Variants in WWOX observed in about 807,000 individuals in gnomAD.
WWOX encodes WW domain containing oxidoreductase.
Under a neutral mutation model 46.2 loss-of-function variants are expected in WWOX, and 69 were observed. That is an observed-to-expected ratio of 1.49 (90% CI 1.23 to 1.82). The LOEUF is 1.82. Among genes scored for constraint, WWOX ranks in the 40% most tolerant of loss-of-function variants. The pLI is 0.00. For missense variants in WWOX, 919 were observed against 542.6 expected, an observed-to-expected ratio of 1.69 and a Z score of -6.89; for synonymous variants, 359 against 202.6, an observed-to-expected ratio of 1.77 and a Z score of -6.56.
At chr16:78,712,147 C>G (rs190387551) in intron 8 of WWOX, among the ~76,000 whole-genome samples, 1 of 152,078 alleles carries the variant, frequency 6.6e-6, no homozygotes, top group Non-Finnish European at 1.5e-5. Flanking sequence ...AGCCAATGTT[C>G]AATTGACTTC....
intron 8 of WWOX, among the ~76,000 whole-genome samples, chr16:78,811,521 C>G (rs1046737509): frequency 4.0e-5 from 6 of 149,466 alleles, no homozygotes; most frequent in African/African-American, 1.5e-4. Flanking sequence ...TTTCCTTTTT[C>G]TCTCTCTCTT....
intron 8 of WWOX, among the ~76,000 whole-genome samples, chr16:79,077,176 C>T (rs940877844): frequency 1.3e-5 from 2 of 152,160 alleles, no homozygotes; most frequent in South Asian, 2.1e-4. Context: ...AAGTACTTGA[C>T]CCTGGGCCTG....
chr16:78,927,074 G>C (rs1476673235), intron 8 of WWOX, among the ~76,000 whole-genome samples: 1 of 152,190 alleles, frequency 6.6e-6, no homozygotes, highest in Non-Finnish European at 1.5e-5. Context: ...GGAATTATAG[G>C]CATGAGCCAC....
At chr16:79,012,879 G>A (rs1445421345) in intron 8 of WWOX, among the ~76,000 whole-genome samples, 1 of 152,188 alleles carries the variant, frequency 6.6e-6, no homozygotes, top group Non-Finnish European at 1.5e-5. Context: ...CCTGGCTGAA[G>A]AAAGGCATCA....
intron 5 of WWOX, among the ~76,000 whole-genome samples, chr16:78,311,789 G>T (rs1343902113): frequency 3.3e-5 from 1 of 30,298 alleles, no homozygotes; most frequent in Non-Finnish European, 5.9e-5. Flanking sequence ...AAGCAGCCTG[G>T]CGGGGGGGTA....
rs770774574 is a variant in WWOX, at chr16:78,424,922, C to G, written c.658C>G (p.Leu220Val). ...NAATFALPWSLTKDGLETTFQ... is the reference protein window; with the variant it reads ...NAATFALPWSVTKDGLETTFQ... ...AGCAACTTTTGCTCTACCCTGGAGT[C>G]TCACCAAAGATGGCCTGGAGACCAC... The change falls in exon 7 of 9, where the codon CTC becomes GTC. Residue 220 changes from leucine to valine, a missense_variant. Physicochemically the swap from Leu to Val is conservative, Grantham distance 32. Coordinates refer to ENST00000566780, the MANE Select transcript of WWOX (RefSeq NM_016373.4). 3.0e-5 allele frequency: 48 copies of G among 1,614,058 alleles called. No homozygotes were observed. The highest frequency in any genetic ancestry group is 3.6e-5 in the Non-Finnish European group (42 of 1,180,052).
At chr16:78,808,331 A>T (rs1337880035) in intron 8 of WWOX, among the ~76,000 whole-genome samples, 1 of 152,204 alleles carries the variant, frequency 6.6e-6, no homozygotes, top group East Asian at 1.9e-4. Flanking sequence ...TCAAACCTGT[A>T]TATGCTGCAA....
chr16:79,008,723 G>C (rs944414387), intron 8 of WWOX, among the ~76,000 whole-genome samples: 1 of 152,162 alleles, frequency 6.6e-6, no homozygotes, highest in African/African-American at 2.4e-5. Flanking sequence ...GCCTTCACCT[G>C]AAGGTGCTGA....
intron 8 of WWOX, among the ~76,000 whole-genome samples, chr16:78,918,317 A>G (rs535507516): frequency 2.5e-4 from 38 of 152,218 alleles, no homozygotes; most frequent in African/African-American, 8.2e-4. Flanking sequence ...GGCATCTTCT[A>G]TACATTTCCT....
At chr16:78,578,323 C>T (rs1254890201) in intron 8 of WWOX, among the ~76,000 whole-genome samples, 1 of 102,962 alleles carries the variant, frequency 9.7e-6, no homozygotes, top group Non-Finnish European at 1.8e-5. Context: ...GGAGTCTCAC[C>T]CTTTCACCCA....
At chr16:78,852,386 A>G (rs769199163) in intron 8 of WWOX, among the ~76,000 whole-genome samples, 4 of 152,222 alleles carry the variant, frequency 2.6e-5, no homozygotes, top group Non-Finnish European at 5.9e-5. Context: ...TCCTTGTGGC[A>G]GAAGCTAGAC....
At chr16:79,077,371 C>A (rs2048677608) in intron 8 of WWOX, 1 of 152,068 alleles carries the variant, frequency 6.6e-6, no homozygotes, top group Non-Finnish European at 1.5e-5. Context: ...CGTGGCCGGT[C>A]CCGACAATGT....
chr16:78,637,262 A>C (rs758344958), intron 8 of WWOX, among the ~76,000 whole-genome samples: 5 of 151,932 alleles, frequency 3.3e-5, no homozygotes, highest in African/African-American at 1.2e-4. Context: ...CCAACCAACG[A>C]CCCTTCCCAT....
chr16:78,235,080 G>A (rs1044576461), intron 5 of WWOX, among the ~76,000 whole-genome samples: 3 of 151,572 alleles, frequency 2.0e-5, no homozygotes, highest in Admixed American at 6.6e-5. Flanking sequence ...ACACACACAC[G>A]TAATGATGTT....
intron 8 of WWOX, among the ~76,000 whole-genome samples, chr16:78,443,345 C>G (rs1287394648): frequency 6.6e-6 from 1 of 151,986 alleles, no homozygotes; most frequent in African/African-American, 2.4e-5. Flanking sequence ...GTGCAAGCCT[C>G]AGGAACCACT....
At chr16:78,791,256 C>A (rs988571857) in intron 8 of WWOX, among the ~76,000 whole-genome samples, 3 of 152,052 alleles carry the variant, frequency 2.0e-5, no homozygotes, top group Non-Finnish European at 2.9e-5. Flanking sequence ...ACACACCCTC[C>A]CTCCGATCCA....
At chr16:78,607,583 C>G (rs116668244) in intron 8 of WWOX, among the ~76,000 whole-genome samples, 2,960 of 151,972 alleles carry the variant, frequency 0.019, 80 homozygotes, top group African/African-American at 0.067. Context: ...CCGGAGAAGT[C>G]TCCAAAGAAT....
intron 8 of WWOX, among the ~76,000 whole-genome samples, chr16:79,041,975 G>A (rs931597181): frequency 1.3e-5 from 2 of 152,034 alleles, no homozygotes; most frequent in African/African-American, 2.4e-5. Flanking sequence ...AGTTCACCCT[G>A]GTTCTGCAAA....
intron 8 of WWOX, among the ~76,000 whole-genome samples, chr16:78,499,817 C>T (rs1267073074): frequency 1.3e-5 from 2 of 152,176 alleles, no homozygotes; most frequent in African/African-American, 4.8e-5. Context: ...CTGGAAGTCC[C>T]ATTGTCTCTG....
Sources: allele counts gnomAD v4.1 joint callset (sites outside exome capture counted in the v4.1 genomes callset), GRCh38; gene constraint gnomAD v4.1.1; transcripts MANE v1.5; gene names NCBI Gene and HGNC (gene_info 2026-07-23, HGNC 2026-07-21).